PERP: variants seen among roughly 807,000 people sequenced by gnomAD.
The protein encoded by PERP is p53 apoptosis effector related to PMP-22.
Under a neutral mutation model 20.3 loss-of-function variants are expected in PERP, and 11 were observed. That is an observed-to-expected ratio of 0.54 (90% CI 0.34 to 0.90). The LOEUF is 0.90. PERP is among the 40% of genes least tolerant of loss of function. PERP has a pLI of 0.02. For synonymous variants in PERP, 101 were observed against 102.0 expected (o/e 0.99, Z 0.06); for missense variants, 224 against 249.4 (o/e 0.90, Z 0.69).
intron 1 of PERP, among the ~76,000 whole-genome samples, chr6:138,106,903 C>CTT (rs577977770): frequency 1.5e-5 from 2 of 134,446 alleles, no homozygotes; most frequent in Non-Finnish European, 3.1e-5. Flanking sequence ...GAACTACGGC[C>CTT]TTTTTTTTTT....
At chr6:138,096,571 G>A (rs1389145139) in intron 1 of PERP, 77 bp from the exon 2 acceptor site, 1 of 1,463,612 alleles carries the variant, frequency 6.8e-7, no homozygotes, top group African/African-American at 1.4e-5. Flanking sequence ...GTATCAACAT[G>A]GTTTTGGGCT....
At chr6:138,101,044 C>T (rs189842296) in intron 1 of PERP, among the ~76,000 whole-genome samples, 85 of 151,996 alleles carry the variant, frequency 5.6e-4, no homozygotes, top group Non-Finnish European at 9.6e-4. Context: ...CTAATAAGAG[C>T]AAAAAAGTAA....
intron 1 of PERP, among the ~76,000 whole-genome samples, chr6:138,102,913 C>T (rs1775794338): frequency 6.6e-6 from 1 of 151,806 alleles, no homozygotes; most frequent in Non-Finnish European, 1.5e-5. Context: ...TCCTGGTTAA[C>T]ATGGTGAAAC....
chr6:138,103,457 C>T (rs1222189208), intron 1 of PERP, among the ~76,000 whole-genome samples: 1 of 152,060 alleles, frequency 6.6e-6, no homozygotes, highest in Non-Finnish European at 1.5e-5. Context: ...CGGCCAGGAA[C>T]AGTTTAATAC....
intron 1 of PERP, among the ~76,000 whole-genome samples, chr6:138,100,448 C>A (rs1291798487): frequency 6.6e-6 from 1 of 152,072 alleles, no homozygotes; most frequent in Non-Finnish European, 1.5e-5. Flanking sequence ...TTTCATGATT[C>A]AATAGATGGT....
intron 1 of PERP, among the ~76,000 whole-genome samples, chr6:138,097,472 T>A (rs982651097): frequency 6.6e-6 from 1 of 152,176 alleles, no homozygotes; most frequent in Non-Finnish European, 1.5e-5. Flanking sequence ...TTTTTTATTT[T>A]TATATATATT....
chr6:138,096,645 C>A, intron 1 of PERP, 151 bp from the exon 2 acceptor site: 1 of 836,066 alleles, frequency 1.2e-6, no homozygotes, highest in Non-Finnish European at 1.8e-6. Flanking sequence ...ACTTGAGCAT[C>A]TCCATATTTT....
chr6:138,105,801 A>G (rs1183807575), intron 1 of PERP, among the ~76,000 whole-genome samples: 1 of 152,258 alleles, frequency 6.6e-6, no homozygotes, highest in Admixed American at 6.5e-5. Context: ...GAGGTACATT[A>G]TTTCAAAAAA....
chr6:138,101,229 G>A (rs559567297), intron 1 of PERP, among the ~76,000 whole-genome samples: 3 of 152,008 alleles, frequency 2.0e-5, no homozygotes, highest in East Asian at 1.9e-4. Flanking sequence ...AATTAACTGC[G>A]TGTGGTGGCA....
At position 138,105,534 on chromosome 6, in the gene PERP, G is replaced by A. The variant is rs1775828701; in HGVS notation, c.214+1593C>T. Among the ~76,000 whole-genome samples, 3 of 152,206 alleles carry A rather than the reference G, an allele frequency of 2.0e-5. No individual in the cohort carries two copies. In the South Asian group the frequency reaches 6.2e-4, roughly 31 times the overall value. ...GGCATTGTGCATGTTTCACAAGAGG[G>A]CTGTGGTCACAGCCAGAGCCCTGCA... On this transcript the variant is annotated intron_variant, in intron 1 of 2. Transcript: ENST00000421351.
In PERP at chr6:138,107,057, G is replaced by A; in HGVS notation, c.214+70C>T. On this transcript the variant is annotated intron_variant, in intron 1 of 2. Coordinates refer to ENST00000421351, the MANE Select transcript of PERP (RefSeq NM_022121.5). This position sits in a 1 kb window ranked among gnomAD's most constrained non-coding sequence, Gnocchi z 4.8. ...GACCCTGTGAGGGCCCATCACGCGC[G>A]GCGGCTTTTGCAGGCCGCGGCCCCG... 2.0e-6 allele frequency: 3 copies of A among 1,466,864 alleles called. No individual in the cohort carries two copies. The highest frequency in any genetic ancestry group is 2.7e-6 in the Non-Finnish European group (3 of 1,091,480). The allele number at this position is 1,466,864 out of a possible 1,614,324, so 90.9% of individuals were successfully genotyped here.
intron 1 of PERP, among the ~76,000 whole-genome samples, chr6:138,098,904 G>C (rs1228580337): frequency 6.6e-6 from 1 of 152,264 alleles, no homozygotes; most frequent in Admixed American, 6.5e-5. Flanking sequence ...AGACTTGAGA[G>C]ATAAGGTTAA....
intron 2 of PERP, 47 bp from the exon 3 acceptor site, chr6:138,092,315 A>G: frequency 1.4e-6 from 2 of 1,478,948 alleles, no homozygotes; most frequent in South Asian, 2.3e-5. Flanking sequence ...TACATGCATG[A>G]AGGAATAAAT....
chr6:138,102,316 G>A (rs1349360866), intron 1 of PERP, among the ~76,000 whole-genome samples: 1 of 152,240 alleles, frequency 6.6e-6, no homozygotes, highest in Non-Finnish European at 1.5e-5. Flanking sequence ...ACAACTAGCA[G>A]TGAATTTGGG....
chr6:138,101,521 T>TC (rs1214878010), intron 1 of PERP, among the ~76,000 whole-genome samples: 47 of 152,366 alleles, frequency 3.1e-4, no homozygotes, highest in African/African-American at 1.1e-3. Context: ...GTAGTCCTCC[T>TC]CTTCATGAAT....
rs1775855171 is a variant in PERP at position 138,107,086 on chromosome 6, G to C, written c.214+41C>G. The C allele has an allele frequency of 3.8e-6, 6 of 1,568,498 alleles. No homozygotes were observed. In the African/African-American group the frequency reaches 6.8e-5, roughly 18 times the overall value. On this transcript the variant is annotated intron_variant, in intron 1 of 2. Transcript: ENST00000421351. This position sits in a 1 kb window ranked among gnomAD's most constrained non-coding sequence, Gnocchi z 4.8. ...GCTTTTGCAGGCCGCGGCCCCGAGG[G>C]CTTCCTGGAGGCGGCGACGGCGGCG...
chr6:138,091,969 C>T lies in PERP; in HGVS notation c.*73G>A, dbSNP rs1440157832. On this transcript the variant is annotated 3_prime_UTR_variant, in exon 3 of 3. Coordinates refer to ENST00000421351, the MANE Select transcript of PERP (RefSeq NM_022121.5). ...CACTGCCAAAAAATGGGTTCAAAGT[C>T]GCCTGGAGAAACAGTTTCTTCTTCT... The T allele has an allele frequency of 2.0e-5, 28 of 1,422,510 alleles. No homozygotes were observed. The highest frequency in any genetic ancestry group is 7.0e-5 in the East Asian group (3 of 42,700). The allele number at this position is 1,422,510 out of a possible 1,614,324, so 88.1% of individuals were successfully genotyped here.
chr6:138,099,044 G>C (rs79058578), intron 1 of PERP, among the ~76,000 whole-genome samples: 6,321 of 152,282 alleles, frequency 0.042, 207 homozygotes, highest in South Asian at 0.11. Flanking sequence ...ACCATGCTTT[G>C]GAAAGAACAT....
intron 1 of PERP, among the ~76,000 whole-genome samples, chr6:138,103,481 A>G (rs1775803827): frequency 6.6e-6 from 1 of 151,748 alleles, no homozygotes; most frequent in Admixed American, 6.6e-5. Context: ...TCCCTACCCC[A>G]CTCCCCACTG....
Sources: gnomAD v4.1 joint callset for allele counts (sites outside exome capture counted in the v4.1 genomes callset) on GRCh38, gnomAD v4.1.1 for gene constraint, Gnocchi (gnomAD v3.1) non-coding constraint, MANE v1.5 for transcripts, NCBI Gene and HGNC (gene_info 2026-07-23, HGNC 2026-07-21) for gene names.